PCNX1: variants seen among roughly 807,000 people sequenced by gnomAD.
PCNX1 encodes pecanex-like protein 1.
A neutral mutation model predicts 242.2 loss-of-function variants in PCNX1; 78 were observed. That is an observed-to-expected ratio of 0.32 (90% CI 0.27 to 0.39). PCNX1 has a LOEUF of 0.39. Ranked by LOEUF, PCNX1 falls within the 10% of genes least tolerant of loss-of-function variation. PCNX1 has a pLI of 1.00. For synonymous variants in PCNX1, 1,024 were observed against 1,032.9 expected (o/e 0.99, Z 0.17); for missense variants, 2,581 against 2,856.5 (o/e 0.90, Z 2.20).
intron 1 of PCNX1, among the ~76,000 whole-genome samples, chr14:70,918,286 G>A (rs1365450488): frequency 6.6e-6 from 1 of 152,140 alleles, no homozygotes; most frequent in African/African-American, 2.4e-5. Flanking sequence ...CTTTTGATGT[G>A]CCTTTCTCAC....
rs2062783470 is a variant in PCNX1, at chr14:71,113,026, C to T, written c.*3091C>T. 2 of 152,162 alleles carry T rather than the reference C, an allele frequency of 1.3e-5. No individual in the cohort carries two copies. The highest frequency in any genetic ancestry group is 2.4e-5 in the African/African-American group (1 of 41,440). 9.4% of individuals were successfully genotyped at this position (152,162 alleles called of 1,614,324 possible). ...AACTCTCTTTTTACACCATTTTCAA[C>T]ACTGGATAAAACTTTAATGTTGACT... On this transcript the variant is annotated 3_prime_UTR_variant, in exon 36 of 36. Coordinates refer to ENST00000304743, the MANE Select transcript of PCNX1 (RefSeq NM_014982.3).
intron 28 of PCNX1, among the ~76,000 whole-genome samples, chr14:71,077,402 C>A (rs1022241792): frequency 6.6e-6 from 1 of 152,202 alleles, no homozygotes; most frequent in Non-Finnish European, 1.5e-5. Context: ...GTGTGAGCTA[C>A]CTTGACAACT....
intron 28 of PCNX1, among the ~76,000 whole-genome samples, chr14:71,079,309 T>C (rs1396381210): frequency 6.6e-6 from 1 of 152,224 alleles, no homozygotes. Flanking sequence ...TAAATATACA[T>C]GTGCATGTGT....
intron 1 of PCNX1, among the ~76,000 whole-genome samples, chr14:70,910,034 T>C (rs2055759878): frequency 7.7e-5 from 3 of 39,166 alleles, no homozygotes; most frequent in South Asian, 1.5e-3. Context: ...GACTCCTCCC[T>C]CCTCCTCCTC....
intron 5 of PCNX1, among the ~76,000 whole-genome samples, chr14:70,972,990 C>G (rs907979458): frequency 6.6e-6 from 1 of 151,914 alleles, no homozygotes; most frequent in Non-Finnish European, 1.5e-5. Context: ...GGTGACTTAC[C>G]CCTATAATCC....
intron 1 of PCNX1, among the ~76,000 whole-genome samples, chr14:70,925,754 C>T (rs1374444495): frequency 6.6e-6 from 1 of 152,048 alleles, no homozygotes; most frequent in African/African-American, 2.4e-5. Context: ...CTCATTTAAT[C>T]CTCATCATAG....
chr14:70,962,408 T>A, intron 3 of PCNX1, 77 bp downstream of exon 3: 1 of 749,402 alleles, frequency 1.3e-6, no homozygotes, highest in Non-Finnish European at 2.4e-6. Context: ...TGTCTTTAAG[T>A]CGGCTGATGT....
rs370724166 is a variant in PCNX1 at position 71,024,092 on chromosome 14, C to A, written c.3183+860C>A. Among the ~76,000 whole-genome samples, 550 of 152,152 alleles carry A rather than the reference C, an allele frequency of 3.6e-3. 1 individual carries two copies. The highest frequency in any genetic ancestry group is 0.013 in the African/African-American group (533 of 41,504). On this transcript the variant is annotated intron_variant, in intron 13 of 35. Coordinates refer to ENST00000304743, the MANE Select transcript of PCNX1 (RefSeq NM_014982.3). ...ATTTCAGATACTATTCATCCAGATCCCCAAGTTAACATTTATGATATTTGC... is the reference window on the plus strand; with the variant it reads ...ATTTCAGATACTATTCATCCAGATCACCAAGTTAACATTTATGATATTTGC...
chr14:71,045,518 C>T (rs542046087), intron 20 of PCNX1, among the ~76,000 whole-genome samples: 8 of 152,284 alleles, frequency 5.3e-5, no homozygotes, highest in Admixed American at 4.6e-4. Flanking sequence ...CTTCTCCCCT[C>T]TCTAAATTGT....
Position 70,925,452 on chromosome 14 carries a change from T to C in PCNX1, c.153+17449T>C, listed in dbSNP as rs748987657. ...TGTTTTTGTTTGAAAAATAGATTTT[T>C]CCCCCCATTTTACAGAAATATTTCT... On this transcript the variant is annotated intron_variant, in intron 1 of 35. Transcript: ENST00000304743. Among the ~76,000 whole-genome samples the C allele has an allele frequency of 4.6e-5, 7 of 152,152 alleles. 1 individual carries two copies. The highest frequency in any genetic ancestry group is 4.1e-4 in the South Asian group (2 of 4,820).
intron 7 of PCNX1, among the ~76,000 whole-genome samples, chr14:70,994,394 A>AAGATAT (rs1566672687): frequency 2.7e-4 from 12 of 44,740 alleles, no homozygotes; most frequent in Non-Finnish European, 4.8e-4. Context: ...CCACAGGCTT[A>AAGATAT]AGATATATAT....
At chr14:70,924,356 C>A (rs2056505236) in intron 1 of PCNX1, among the ~76,000 whole-genome samples, 1 of 151,982 alleles carries the variant, frequency 6.6e-6, no homozygotes, top group East Asian at 1.9e-4. Flanking sequence ...GCAGAGAGAT[C>A]CCGTATACAC....
In PCNX1 at chr14:71,050,632, C is replaced by A; in HGVS notation, c.4339-20C>A. ...TAAGTTTTTTTTTTTTTACTGACAG[C>A]CATTCTTTTCCTCCTGCAGCTTTGG... On this transcript the variant is annotated intron_variant, in intron 22 of 35. Transcript: ENST00000304743. The A allele has an allele frequency of 2.0e-6, 3 of 1,536,278 alleles. No homozygotes were observed. The highest frequency in any genetic ancestry group is 1.3e-5 in the South Asian group (1 of 79,816).
chr14:71,038,442 G>A (rs1459687264), intron 19 of PCNX1, among the ~76,000 whole-genome samples: 4 of 150,564 alleles, frequency 2.7e-5, no homozygotes, highest in African/African-American at 7.3e-5. Context: ...CTCAAAAGAG[G>A]ACATTTATGC....
intron 3 of PCNX1, among the ~76,000 whole-genome samples, chr14:70,966,664 TAAAG>T (rs899070455): frequency 2.0e-5 from 3 of 152,168 alleles, no homozygotes; most frequent in South Asian, 2.1e-4. Flanking sequence ...GGGAGATTGT[TAAAG>T]AAGGAGAAAG....
intron 12 of PCNX1, among the ~76,000 whole-genome samples, chr14:71,020,779 G>T (rs1235530532): frequency 6.6e-6 from 1 of 152,096 alleles, no homozygotes; most frequent in Non-Finnish European, 1.5e-5. Context: ...GATCCCATTT[G>T]TCTATTTTGG....
intron 8 of PCNX1, among the ~76,000 whole-genome samples, chr14:71,007,803 G>A (rs907225515): frequency 3.4e-5 from 5 of 146,842 alleles, no homozygotes; most frequent in East Asian, 2.0e-4. Flanking sequence ...TTTTTTTTTC[G>A]GTAGCAACTT....
chr14:70,962,396 C>T (rs1595064452), intron 3 of PCNX1, 65 bp downstream of exon 3: 3 of 836,800 alleles, frequency 3.6e-6, no homozygotes, highest in Admixed American at 1.8e-5. Flanking sequence ...CCGTTATTCT[C>T]GTGTCTTTAA....
Position 71,082,542 on chromosome 14 carries a change from A to AT in PCNX1, c.5338-5786dup, listed in dbSNP as rs545133010. Among the ~76,000 whole-genome samples, 449 of 152,178 alleles carry AT rather than the reference A, an allele frequency of 3.0e-3. 5 individuals carry two copies. Among genetic ancestry groups the AT allele is most frequent in the African/African-American group, 0.01 (431 of 41,516 alleles). The stretch of plus-strand genomic sequence containing the variant: ...GCTTCATGAATCTGGGTGCTCCTGT[A>AT]TTGGGTGTATATATATTTAGGATAG... On this transcript the variant is annotated intron_variant, in intron 28 of 35. Coordinates refer to ENST00000304743, the MANE Select transcript of PCNX1 (RefSeq NM_014982.3).
Sources: allele counts gnomAD v4.1 joint callset (sites outside exome capture counted in the v4.1 genomes callset), GRCh38; gene constraint gnomAD v4.1.1; transcripts MANE v1.5; gene names NCBI Gene and HGNC (gene_info 2026-07-23, HGNC 2026-07-21).